HK2: variants seen among roughly 807,000 people sequenced by gnomAD.
The protein encoded by HK2 is hexokinase 2.
Under a neutral mutation model 92.9 loss-of-function variants are expected in HK2, and 42 were observed. The ratio of observed to expected loss-of-function variants is 0.45; its 90% CI spans 0.35 to 0.58. The LOEUF (loss-of-function observed/expected upper bound fraction) is 0.58. HK2 is among the 20% of genes least tolerant of loss of function. The probability of loss-of-function intolerance (pLI) is 0.00; values close to 1 mark genes in which losing one functional copy is unlikely to be tolerated. For synonymous variants in HK2, 422 were observed against 468.0 expected, an observed-to-expected ratio of 0.90 and a Z score of 1.27; for missense variants, 978 against 1,245.1, an observed-to-expected ratio of 0.79 and a Z score of 3.23.
At chr2:74,867,843 T>C in intron 3 of HK2, 59 bp downstream of exon 3, 1 of 1,595,920 alleles carries the variant, frequency 6.3e-7, no homozygotes, top group Non-Finnish European at 8.6e-7. Flanking sequence ...GCATGTTCTT[T>C]CTGTACTTTC....
At chr2:74,872,153 CT>C (rs1689113278) in intron 3 of HK2, 146 bp from the exon 4 acceptor site, 2 of 797,274 alleles carry the variant, frequency 2.5e-6, no homozygotes, top group Non-Finnish European at 4.3e-6. Context: ...TTATAATTCC[CT>C]TTTTGTAGGT....
intron 9 of HK2, 43 bp from the exon 10 acceptor site, chr2:74,880,222 T>C: frequency 6.2e-7 from 1 of 1,609,396 alleles, no homozygotes. Flanking sequence ...CCATTGACCC[T>C]AACCATGGAC....
Position 74,886,531 on chromosome 2 carries a change from G to A in HK2, c.2077G>A (p.Val693Met), listed in dbSNP as rs768271918. Reference protein sequence around the residue: ...NACYMEEMRNVELVEGEEGRM... With the variant: ...NACYMEEMRNMELVEGEEGRM... Reference sequence around the variant, plus strand: ...CTGCTACATGGAGGAGATGCGCAACGTGGAACTGGTGGAAGGAGAAGAGGG... The same window carrying A: ...CTGCTACATGGAGGAGATGCGCAACATGGAACTGGTGGAAGGAGAAGAGGG... The change falls in exon 15 of 18, where the codon GTG becomes ATG. Residue 693 changes from valine to methionine, a missense_variant. Transcript: ENST00000290573. 3 of 1,614,008 alleles carry A rather than the reference G, an allele frequency of 1.9e-6. No individual in the cohort carries two copies. The highest frequency in any genetic ancestry group is 1.7e-4 in the Middle Eastern group (1 of 6,060).
chr2:74,890,557 G>A (rs550052370), intron 17 of HK2, among the ~76,000 whole-genome samples: 2 of 152,296 alleles, frequency 1.3e-5, no homozygotes, highest in African/African-American at 4.8e-5. Flanking sequence ...TTGAATCCTA[G>A]CTCTCCTAAT....
chr2:74,888,656 G>A (rs141156889), intron 16 of HK2, among the ~76,000 whole-genome samples: 20 of 152,324 alleles, frequency 1.3e-4, no homozygotes, highest in South Asian at 8.3e-4. Flanking sequence ...GACCCCTCGG[G>A]CATCTGCACC....
At chr2:74,889,049 C>A (rs781385599) in intron 16 of HK2, among the ~76,000 whole-genome samples, 196 bp from the exon 17 acceptor site, 6 of 152,172 alleles carry the variant, frequency 3.9e-5, no homozygotes, top group Non-Finnish European at 8.8e-5. Context: ...ATTCCTGTCA[C>A]CGTCAGGAAG....
intron 7 of HK2, among the ~76,000 whole-genome samples, chr2:74,875,739 T>A (rs998606364): frequency 1.3e-5 from 2 of 152,230 alleles, no homozygotes; most frequent in African/African-American, 4.8e-5. Flanking sequence ...ACTGGTTGTG[T>A]CTGCCATGGC....
chr2:74,841,369 C>G (rs145670100), intron 1 of HK2, among the ~76,000 whole-genome samples: 1 of 151,794 alleles, frequency 6.6e-6, no homozygotes, highest in East Asian at 1.9e-4. Flanking sequence ...GAATATTCCA[C>G]CATGCACAAG....
intron 15 of HK2, 97 bp from the exon 16 acceptor site, chr2:74,887,806 C>T (rs1689574708): frequency 3.6e-6 from 4 of 1,102,248 alleles, no homozygotes; most frequent in Non-Finnish European, 4.2e-6. Flanking sequence ...CTGTCTGCCA[C>T]TGCTGATGCA....
intron 1 of HK2, among the ~76,000 whole-genome samples, chr2:74,842,845 C>G (rs1271710303): frequency 6.6e-6 from 1 of 152,254 alleles, no homozygotes; most frequent in Non-Finnish European, 1.5e-5. Flanking sequence ...GTTGAAGCAT[C>G]CTTGCGATGT....
chr2:74,874,211 A>T, intron 6 of HK2, 55 bp from the exon 7 acceptor site: 2 of 1,602,214 alleles, frequency 1.2e-6, no homozygotes, highest in Non-Finnish European at 1.7e-6. Flanking sequence ...AAGAGGGAAG[A>T]GGGGTGGGAA....
intron 13 of HK2, among the ~76,000 whole-genome samples, chr2:74,885,888 T>TCACACAC (rs1689519230): frequency 9.4e-6 from 1 of 106,580 alleles, no homozygotes; most frequent in African/African-American, 5.1e-5. Context: ...ACACACACAG[T>TCACACAC]AAAGGAATAA....
intron 4 of HK2, among the ~76,000 whole-genome samples, chr2:74,873,072 ATTG>A (rs1689136420): frequency 6.6e-6 from 1 of 152,206 alleles, no homozygotes; most frequent in Non-Finnish European, 1.5e-5. Flanking sequence ...TGACTGAAAC[ATTG>A]TTATGCGGCA....
chr2:74,839,951 C>CTT (rs773321768), intron 1 of HK2, among the ~76,000 whole-genome samples: 91 of 97,042 alleles, frequency 9.4e-4, no homozygotes, highest in Non-Finnish European at 1.2e-3. Flanking sequence ...TGCGCCTGGC[C>CTT]TTTTTTTTTT....
chr2:74,853,722 G>A (rs1476912513), intron 1 of HK2, among the ~76,000 whole-genome samples: 2 of 151,852 alleles, frequency 1.3e-5, no homozygotes, highest in Admixed American at 6.6e-5. Flanking sequence ...AAAAAGATTA[G>A]GAGGTGGCTA....
chr2:74,869,145 C>T lies in HK2; in HGVS notation c.375+1361C>T, dbSNP rs74874854. Among the ~76,000 whole-genome samples the T allele has an allele frequency of 5.8e-3, 879 of 151,032 alleles. 5 individuals carry two copies. Among genetic ancestry groups the T allele is most frequent in the Non-Finnish European group, 9.4e-3 (638 of 67,808 alleles). On this transcript the variant is annotated intron_variant, in intron 3 of 17. Coordinates refer to ENST00000290573, the MANE Select transcript of HK2 (RefSeq NM_000189.5). The stretch of plus-strand genomic sequence containing the variant: ...TAAAAAAAAAAACAACTATGAGACC[C>T]ACCTTGAAGAGCATTAAAACTGTTG...
At chr2:74,839,403 CTA>C (rs962236581) in intron 1 of HK2, among the ~76,000 whole-genome samples, 4 of 152,100 alleles carry the variant, frequency 2.6e-5, no homozygotes, top group Non-Finnish European at 4.4e-5. Flanking sequence ...TTATTTTTGT[CTA>C]TGTTAATTTT....
rs759264948 is a variant in HK2, at chr2:74,890,850, T to C, written c.2663T>C (p.Val888Ala). ...AAGGACCTGGCTCCGAAATGTGATGTGTCTTTCCTGCAGTCAGAGGATGGC... is the reference window on the plus strand; with the variant it reads ...AAGGACCTGGCTCCGAAATGTGATGCGTCTTTCCTGCAGTCAGAGGATGGC... ...TVKDLAPKCD[V>A]SFLQSEDGSG... is the part of the protein sequence containing the mutation. The change falls in exon 18 of 18, where the codon GTG becomes GCG. Residue 888 changes from valine (V) to alanine (A), a missense_variant. By Grantham distance (64) the Val-to-Ala change is moderately conservative. This residue lies in a region of HK2 where 742 missense variants were observed against 922.5 expected (regional missense o/e 0.80). Transcript: ENST00000290573. The C allele has an allele frequency of 1.2e-6, 2 of 1,614,218 alleles. No individual in the cohort carries two copies. The highest frequency in any genetic ancestry group is 1.7e-6 in the Non-Finnish European group (2 of 1,180,032).
intron 12 of HK2, 152 bp downstream of exon 12, chr2:74,882,391 A>T (rs1689420684): frequency 8.9e-7 from 1 of 1,125,784 alleles, no homozygotes. Context: ...GATGGGAATG[A>T]GTAAGTTGAG....
Sources: allele counts gnomAD v4.1 joint callset (sites outside exome capture counted in the v4.1 genomes callset), GRCh38; gene constraint gnomAD v4.1.1; regional missense constraint gnomAD v4.1.1; transcripts MANE v1.5; gene names NCBI Gene and HGNC (gene_info 2026-07-23, HGNC 2026-07-21).